The following EIF3D variants were observed in gnomAD, a reference collection of about 807,000 sequenced individuals.
The protein encoded by EIF3D is eIF3 p66.
In EIF3D, 10 loss-of-function variants were observed where a neutral mutation model predicts 75.4. The ratio of observed to expected loss-of-function variants is 0.13; its 90% confidence interval spans 0.08 to 0.22. EIF3D has a LOEUF of 0.22. Ranked by LOEUF, EIF3D falls within the 10% of genes least tolerant of loss-of-function variation. EIF3D has a pLI of 1.00. For missense variants in EIF3D, 394 were observed against 708.0 expected, an observed-to-expected ratio of 0.56 and a Z score of 5.03; for synonymous variants, 246 against 248.3, an observed-to-expected ratio of 0.99 and a Z score of 0.09.
At position 36,510,975 on chromosome 22, in the gene EIF3D, C is replaced by T; in HGVS notation, c.*12G>A. 1 of 1,601,702 alleles carries T rather than the reference C, an allele frequency of 6.2e-7. No individual in the cohort carries two copies. Among genetic ancestry groups the T allele is most frequent in the Non-Finnish European group, 8.5e-7 (1 of 1,174,848 alleles). On this transcript the variant is annotated 3_prime_UTR_variant, in exon 15 of 15. Coordinates refer to ENST00000216190, the MANE Select transcript of EIF3D (RefSeq NM_003753.4). ...TCGGTGGAAGGACAAACTCCAGCTC[C>T]ACATCACTGGTTTAAGTTTCTTCCT... is the stretch of plus-strand genomic sequence containing the variant.
intron 12 of EIF3D, 72 bp downstream of exon 12, chr22:36,516,406 G>C: frequency 6.5e-7 from 1 of 1,550,232 alleles, no homozygotes; most frequent in Non-Finnish European, 8.8e-7. Flanking sequence ...ATACAACCTA[G>C]CCTGCGTAAA....
At chr22:36,525,602 T>C (rs1478536183) in intron 3 of EIF3D, 62 bp downstream of exon 3, 35 of 1,563,574 alleles carry the variant, frequency 2.2e-5, no homozygotes, top group Non-Finnish European at 3.0e-5. Flanking sequence ...AAGAAGGTCA[T>C]TAGAATAAAG....
At chr22:36,518,644 G>A in intron 9 of EIF3D, 119 bp downstream of exon 9, 1 of 1,278,560 alleles carries the variant, frequency 7.8e-7, no homozygotes, top group South Asian at 1.4e-5. Flanking sequence ...AGACACTGCT[G>A]CTGTCAATTC....
intron 12 of EIF3D, among the ~76,000 whole-genome samples, chr22:36,515,702 C>A (rs1340282780): frequency 6.6e-6 from 1 of 152,044 alleles, no homozygotes; most frequent in Non-Finnish European, 1.5e-5. Context: ...AGGAGGGGAG[C>A]CAGCAAAGAC....
Position 36,526,095 on chromosome 22 carries a change from G to C in EIF3D, c.27C>G (p.Ile9Met), listed in dbSNP as rs771276217. Residue 9 changes from isoleucine to methionine, a missense_variant, in exon 2 of 15, where the codon ATC (isoleucine) becomes ATG (methionine). Ile to Met is a conservative substitution (Grantham distance 10). Coordinates refer to ENST00000216190, the MANE Select transcript of EIF3D (RefSeq NM_003753.4). The part of the protein sequence containing the change: MAKFMTPV[I>M]QDNPSGWGPC... Reference sequence around the variant, plus strand: ...GACCCCAGCCTGAGGGGTTGTCCTGGATCACGGGTGTCATGAACTTTGCCA... The same window carrying C: ...GACCCCAGCCTGAGGGGTTGTCCTGCATCACGGGTGTCATGAACTTTGCCA... The C allele has an allele frequency of 9.9e-6, 16 of 1,610,710 alleles. No homozygotes were observed. In the Middle Eastern group the frequency reaches 5.0e-4, roughly 50 times the overall value.
rs184527444 is a variant in EIF3D, at chr22:36,525,798, G to A, written c.124-89C>T. The A allele has an allele frequency of 2.0e-4, 303 of 1,530,782 alleles. 7 individuals are homozygous for A. The South Asian group carries it at 3.0e-3, about 15-fold the overall frequency. The allele number at this position is 1,530,782 out of a possible 1,614,324, so 94.8% of individuals were successfully genotyped here. A position where few individuals can be genotyped will look rare whatever the true frequency, so the allele number is the denominator to read the frequency against. ...AAATCCCTGAGCGCGAGAGGACAGC[G>A]TGGAAGAGTCTCAGAATTTGTTCAC... On this transcript the variant is annotated intron_variant, in intron 2 of 14. Transcript: ENST00000216190.
chr22:36,526,242 C>G (rs766923783), intron 1 of EIF3D, 111 bp from the exon 2 acceptor site: 2 of 1,199,532 alleles, frequency 1.7e-6, no homozygotes, highest in African/African-American at 3.1e-5. Flanking sequence ...AAAAGCAACA[C>G]GCAAAATGGA....
intron 9 of EIF3D, among the ~76,000 whole-genome samples, chr22:36,517,927 T>C (rs1392411989): frequency 7.2e-5 from 11 of 152,138 alleles, no homozygotes; most frequent in Non-Finnish European, 1.5e-5. Context: ...TTTGTATTTT[T>C]AGTAGAGACT....
chr22:36,518,094 A>C (rs984904929), intron 9 of EIF3D, among the ~76,000 whole-genome samples: 1 of 152,116 alleles, frequency 6.6e-6, no homozygotes, highest in Non-Finnish European at 1.5e-5. Flanking sequence ...TATGGTGTAT[A>C]AATACATATA....
intron 13 of EIF3D, among the ~76,000 whole-genome samples, chr22:36,512,179 C>T (rs778953297): frequency 2.4e-4 from 36 of 152,126 alleles, no homozygotes; most frequent in Non-Finnish European, 3.5e-4. Flanking sequence ...CATGAGCCAC[C>T]GCGCCCGGCA....
chr22:36,528,406 T>C (rs1387614558), intron 1 of EIF3D, among the ~76,000 whole-genome samples: 1 of 143,330 alleles, frequency 7.0e-6, no homozygotes, highest in East Asian at 1.9e-4. Flanking sequence ...TGAGATACCC[T>C]GGCTTTAATA....
At chr22:36,517,885 TTAC>T (rs1934452164) in intron 9 of EIF3D, among the ~76,000 whole-genome samples, 1 of 152,026 alleles carries the variant, frequency 6.6e-6, no homozygotes, top group Non-Finnish European at 1.5e-5. Context: ...GTAGCTGGGA[TTAC>T]ATGTGTCCAC....
intron 8 of EIF3D, among the ~76,000 whole-genome samples, chr22:36,519,170 C>T (rs1603498887): frequency 6.6e-6 from 1 of 152,218 alleles, no homozygotes; most frequent in African/African-American, 2.4e-5. Context: ...CTATGTACAT[C>T]TACCCCTTGT....
At chr22:36,517,471 A>C (rs2145872247) in intron 9 of EIF3D, 40 bp from the exon 10 acceptor site, 1 of 1,585,314 alleles carries the variant, frequency 6.3e-7, no homozygotes, top group Non-Finnish European at 8.6e-7. Flanking sequence ...TGCAACAAAG[A>C]GTCACTGACA....
chr22:36,527,958 C>T (rs2145881028), intron 1 of EIF3D, among the ~76,000 whole-genome samples: 1 of 152,274 alleles, frequency 6.6e-6, no homozygotes, highest in South Asian at 2.1e-4. Flanking sequence ...ACAGGATGAA[C>T]CTAGAAGTTT....
At chr22:36,526,484 T>C (rs566001014) in intron 1 of EIF3D, among the ~76,000 whole-genome samples, 3 of 152,226 alleles carry the variant, frequency 2.0e-5, no homozygotes, top group Non-Finnish European at 4.4e-5. Context: ...AAAAATTTAA[T>C]GGTGTCAGAT....
rs1355283034 is a variant in EIF3D at position 36,511,585 on chromosome 22, G to A, written c.1551C>T (p.Ile517=). The A allele has an allele frequency of 1.2e-6, 2 of 1,613,988 alleles. No homozygotes were observed. The highest frequency in any genetic ancestry group is 2.7e-5 in the African/African-American group (2 of 74,916). Residue 517 remains isoleucine, a synonymous_variant, in exon 14 of 15, where the codon ATC becomes ATT. Transcript: ENST00000216190. ...TGCCATCAGGGAGGCTGTAGACACG[G>A]ATGACCTGCTTGTTGGGGTCCTTGA... ...LILKDPNKQV[I]RVYSLPDGTF... is the part of the protein sequence containing the mutation.
chr22:36,512,051 C>A (rs529520696), intron 13 of EIF3D, among the ~76,000 whole-genome samples: 4 of 152,180 alleles, frequency 2.6e-5, no homozygotes, highest in Admixed American at 2.0e-4. Flanking sequence ...CCACTACGCC[C>A]GGCTAATTTT....
In EIF3D at chr22:36,511,559, G is replaced by A; in HGVS notation, c.1577C>T (p.Thr526Ile). 1.2e-6 allele frequency: 2 copies of A among 1,613,946 alleles called. No homozygotes were observed. The highest frequency in any genetic ancestry group is 8.5e-7 in the Non-Finnish European group (1 of 1,179,958). Residue 526 changes from threonine (T) to isoleucine (I), a missense_variant, in exon 14 of 15, where the codon ACC (threonine) becomes ATC (isoleucine). Thr to Ile is a moderately conservative substitution (Grantham distance 89). Transcript: ENST00000216190. ...CTCCTCATCTTCATCAGAGCTGAAG[G>A]TGCCATCAGGGAGGCTGTAGACACG... Reference protein sequence around the residue: ...VIRVYSLPDGTFSSDEDEEEE... With the variant: ...VIRVYSLPDGIFSSDEDEEEE...
Sources: allele counts gnomAD v4.1 joint callset (sites outside exome capture counted in the v4.1 genomes callset), GRCh38; gene constraint gnomAD v4.1.1; transcripts MANE v1.5; gene names NCBI Gene and HGNC (gene_info 2026-07-23, HGNC 2026-07-21).